The following RARB variants were observed in gnomAD, a reference collection of about 807,000 sequenced individuals.
RARB encodes the protein HBV-activated protein.
Under a neutral mutation model 51.9 loss-of-function variants are expected in RARB, and 17 were observed. The ratio of observed to expected loss-of-function variants is 0.33; its 90% CI spans 0.22 to 0.49. The LOEUF is 0.49. Ranked by LOEUF, RARB falls within the 20% of genes least tolerant of loss-of-function variation. The pLI, the probability that RARB is intolerant of heterozygous loss-of-function variation, is 0.99. For synonymous variants in RARB, 215 were observed against 195.4 expected (o/e 1.10, Z -0.84); for missense variants, 369 against 550.8 (o/e 0.67, Z 3.30).
At chr3:24,943,908 T>C (rs1345435920) in intron 2 of RARB, among the ~76,000 whole-genome samples, 1 of 152,166 alleles carries the variant, frequency 6.6e-6, no homozygotes, top group Non-Finnish European at 1.5e-5. Context: ...TCAAACATTC[T>C]TGCATTTTAA....
intron 5 of RARB, among the ~76,000 whole-genome samples, chr3:25,333,048 C>T (rs1704952931): frequency 6.6e-6 from 1 of 152,186 alleles, no homozygotes; most frequent in South Asian, 2.1e-4. Flanking sequence ...AATGGAAGAA[C>T]ACTCCATGCT....
At chr3:25,261,340 A>G (rs1702992686) in intron 5 of RARB, among the ~76,000 whole-genome samples, 1 of 151,988 alleles carries the variant, frequency 6.6e-6, no homozygotes, top group Non-Finnish European at 1.5e-5. Context: ...TGGCTCCTAG[A>G]ACACCATACT....
intron 2 of RARB, among the ~76,000 whole-genome samples, chr3:24,970,714 G>T (rs1696379739): frequency 6.6e-6 from 1 of 151,802 alleles, no homozygotes; most frequent in Non-Finnish European, 1.5e-5. Context: ...ATACAGCATT[G>T]TGTAAAATGT....
chr3:24,992,777 A>G (rs1696940847), intron 2 of RARB, among the ~76,000 whole-genome samples: 1 of 152,126 alleles, frequency 6.6e-6, no homozygotes, highest in African/African-American at 2.4e-5. Context: ...GATCACCCAT[A>G]TGACCTCATT....
intron 1 of RARB, among the ~76,000 whole-genome samples, chr3:24,856,080 G>A (rs968389305): frequency 6.6e-6 from 1 of 151,974 alleles, no homozygotes; most frequent in Non-Finnish European, 1.5e-5. Flanking sequence ...AGTTTTCCTA[G>A]GTGACTCTTG....
chr3:25,485,254 T>C (rs532913261), intron 2 of RARB, among the ~76,000 whole-genome samples: 1 of 152,316 alleles, frequency 6.6e-6, no homozygotes, highest in African/African-American at 2.4e-5. Context: ...TACTAAGAAA[T>C]ACTGTGCTTA....
rs536011648 is a variant in RARB, at chr3:25,262,930, C to T, written c.178+88355C>T. Among the ~76,000 whole-genome samples, 10 of 152,262 alleles carry T rather than the reference C, an allele frequency of 6.6e-5. No individual in the cohort carries two copies. In the South Asian group the frequency reaches 1.7e-3, roughly 25 times the overall value. ...TGTCATAAGCATTTGTATGTTCTCT[C>T]TCTGACTTAATTTTGACTGTCTTAA... On this transcript the variant is annotated intron_variant, in intron 5 of 11. Coordinates refer to the RARB transcript ENST00000383772.
At chr3:25,340,111 TA>T in intron 5 of RARB, among the ~76,000 whole-genome samples, 1 of 152,052 alleles carries the variant, frequency 6.6e-6, no homozygotes, top group Non-Finnish European at 1.5e-5. Flanking sequence ...TCACTGATAG[TA>T]AAATGCAGAG....
rs186500304 is a variant in RARB, at chr3:24,888,584, A to T, written c.-380+29832A>T. Among the ~76,000 whole-genome samples the T allele has an allele frequency of 7.4e-3, 1,095 of 147,824 alleles. 7 individuals are homozygous for T. Among genetic ancestry groups the T allele is most frequent in the African/African-American group, 0.023 (955 of 41,104 alleles). On this transcript the variant is annotated intron_variant, in intron 2 of 11. Coordinates refer to the RARB transcript ENST00000383772. ...TGATATTTAACACCCAAGCTTTTTT[A>T]AAAAAAAATCTGTAAAACGACAGTA...
chr3:24,980,852 T>G (rs1696649162), intron 2 of RARB, among the ~76,000 whole-genome samples: 1 of 152,184 alleles, frequency 6.6e-6, no homozygotes, highest in Admixed American at 6.5e-5. Context: ...GCATTCAGGT[T>G]TTTGGAATTT....
intron 4 of RARB, among the ~76,000 whole-genome samples, chr3:25,157,172 A>G (rs545743423): frequency 3.9e-5 from 6 of 152,200 alleles, no homozygotes; most frequent in Non-Finnish European, 5.9e-5. Context: ...CAAAACAAAT[A>G]TGGGAAAAAG....
At chr3:25,155,963 G>A (rs192239997) in intron 4 of RARB, among the ~76,000 whole-genome samples, 155 of 152,196 alleles carry the variant, frequency 1.0e-3, no homozygotes, top group Non-Finnish European at 1.0e-3. Flanking sequence ...GGTGACCTTT[G>A]CCAACACAGG....
At chr3:25,094,866 G>A (rs2125318508) in intron 3 of RARB, among the ~76,000 whole-genome samples, 2 of 152,036 alleles carry the variant, frequency 1.3e-5, no homozygotes, top group Middle Eastern at 6.8e-3. Flanking sequence ...CTCTCCTGAT[G>A]TCTTACATCT....
chr3:24,897,826 C>G (rs538988365), intron 2 of RARB, among the ~76,000 whole-genome samples: 1 of 151,890 alleles, frequency 6.6e-6, no homozygotes, highest in Non-Finnish European at 1.5e-5. Context: ...AAGAAACTGC[C>G]GGACATCTAA....
intron 2 of RARB, among the ~76,000 whole-genome samples, chr3:24,900,195 G>C (rs186433570): frequency 6.6e-6 from 1 of 152,276 alleles, no homozygotes; most frequent in East Asian, 1.9e-4. Context: ...CAAGGATTGT[G>C]GTAAATGGAA....
chr3:25,506,030 C>T (rs1199104637), intron 3 of RARB, among the ~76,000 whole-genome samples: 1 of 152,060 alleles, frequency 6.6e-6, no homozygotes, highest in Non-Finnish European at 1.5e-5. Flanking sequence ...GCATTTAAGT[C>T]AGTTACAGAA....
intron 1 of RARB, among the ~76,000 whole-genome samples, chr3:24,841,906 A>G (rs1023926451): frequency 6.6e-6 from 1 of 152,202 alleles, no homozygotes; most frequent in Non-Finnish European, 1.5e-5. Context: ...ATTACATAGA[A>G]CTAATAAAAT....
intron 3 of RARB, among the ~76,000 whole-genome samples, chr3:25,549,498 T>C (rs979016387): frequency 2.0e-5 from 3 of 152,298 alleles, no homozygotes; most frequent in Admixed American, 2.0e-4. Context: ...ACCAGAAGCT[T>C]GCCATGAACC....
At chr3:24,879,238 G>T (rs1033400604) in intron 2 of RARB, among the ~76,000 whole-genome samples, 1 of 151,882 alleles carries the variant, frequency 6.6e-6, no homozygotes, top group Non-Finnish European at 1.5e-5. Flanking sequence ...GACCATCCTG[G>T]CTAACACAGT....
Sources: gnomAD v4.1 joint callset for allele counts (sites outside exome capture counted in the v4.1 genomes callset) on GRCh38, gnomAD v4.1.1 for gene constraint, MANE v1.5 for transcripts, NCBI Gene and HGNC (gene_info 2026-07-23, HGNC 2026-07-21) for gene names.